DACH2: variants seen among roughly 807,000 people sequenced by gnomAD.
DACH2 encodes the protein dachshund family transcription factor 2.
Under a neutral mutation model 35.8 loss-of-function variants are expected in DACH2, and 17 were observed. The observed-to-expected ratio is 0.48, with a 90% confidence interval of 0.33 to 0.71. The LOEUF (loss-of-function observed/expected upper bound fraction) is 0.71, where lower values mean the gene tolerates loss of function less well. Among genes scored for constraint, DACH2 ranks in the 30% least tolerant of loss-of-function variants. The pLI is 0.02. For synonymous variants in DACH2, 195 were observed against 177.3 expected (o/e 1.10, Z -0.79); for missense variants, 469 against 472.7 (o/e 0.99, Z 0.07).
At chrX:86,324,036 G>T (rs763762101) in intron 1 of DACH2, among the ~76,000 whole-genome samples, 2 of 112,001 alleles carry the variant, frequency 1.8e-5, no homozygotes, top group African/African-American at 3.2e-5. Context: ...CCAAAATGAA[G>T]CAGCTTTATT....
At chrX:86,557,174 C>T (rs1308800260) in intron 3 of DACH2, among the ~76,000 whole-genome samples, 2 of 110,777 alleles carry the variant, frequency 1.8e-5, no homozygotes, top group African/African-American at 3.3e-5. Context: ...GGATATCTAC[C>T]CACATTGGTA....
intron 3 of DACH2, among the ~76,000 whole-genome samples, chrX:86,645,172 C>CAA (rs1259129839): frequency 9.0e-6 from 1 of 111,047 alleles, no homozygotes; most frequent in East Asian, 2.9e-4. Context: ...ATGCATCTGA[C>CAA]AAAATTCTAA....
intron 6 of DACH2, 70 bp from the exon 7 acceptor site, chrX:86,739,677 G>A (rs1030010784): frequency 1.6e-5 from 18 of 1,133,291 alleles, no homozygotes; most frequent in Non-Finnish European, 2.1e-5. Flanking sequence ...CATTTCAAAT[G>A]TAGAGACTCA....
At chrX:86,514,526 T>C (rs2038441340) in intron 3 of DACH2, 135 bp downstream of exon 3, 1 of 600,663 alleles carries the variant, frequency 1.7e-6, no homozygotes, top group Non-Finnish European at 2.4e-6. Context: ...TGAATTTTTT[T>C]ATGTGTTCGT....
intron 3 of DACH2, among the ~76,000 whole-genome samples, chrX:86,644,321 A>G (rs999547322): frequency 2.7e-5 from 3 of 111,516 alleles, no homozygotes; most frequent in African/African-American, 6.5e-5. Context: ...TCCCACTTAT[A>G]ATTGTCACAA....
intron 7 of DACH2, among the ~76,000 whole-genome samples, chrX:86,741,869 G>A (rs956411493): frequency 3.6e-5 from 4 of 111,050 alleles, no homozygotes; most frequent in Admixed American, 2.9e-4. Flanking sequence ...TGTTGCTGTC[G>A]CCATGAGTTA....
intron 1 of DACH2, among the ~76,000 whole-genome samples, chrX:86,235,366 A>G (rs2033036851): frequency 8.9e-6 from 1 of 112,416 alleles, no homozygotes; most frequent in African/African-American, 3.2e-5. Context: ...ACTGACCTCC[A>G]TGTACAGCTA....
chrX:86,638,275 C>T (rs754331314), intron 3 of DACH2, among the ~76,000 whole-genome samples: 14 of 111,630 alleles, frequency 1.3e-4, no homozygotes, highest in Non-Finnish European at 1.7e-4. Flanking sequence ...GATGGATTAA[C>T]GAGTTAAATG....
At position 86,725,222 on chromosome X, in the gene DACH2, T is replaced by G. The variant is rs777852359; in HGVS notation, c.1104+10502T>G. Reference sequence around the variant, plus strand: ...TTCATTTCTTTTCCTGAACAATTTTTTATGGTTTTATTGTGTCATATTTCC... The same window carrying G: ...TTCATTTCTTTTCCTGAACAATTTTGTATGGTTTTATTGTGTCATATTTCC... On this transcript the variant is annotated intron_variant, in intron 6 of 11. Transcript: ENST00000373125. Among the ~76,000 whole-genome samples, 5 of 111,482 alleles carry G rather than the reference T, an allele frequency of 4.5e-5. No homozygotes were observed. In the East Asian group the frequency reaches 1.4e-3, roughly 32 times the overall value.
At chrX:86,634,893 T>C (rs1214474188) in intron 3 of DACH2, among the ~76,000 whole-genome samples, 1 of 111,346 alleles carries the variant, frequency 9.0e-6, no homozygotes, top group African/African-American at 3.3e-5. Flanking sequence ...CTGCAATCTT[T>C]ATCAAAATAT....
intron 2 of DACH2, among the ~76,000 whole-genome samples, chrX:86,460,279 T>A (rs185297764): frequency 3.6e-4 from 40 of 111,286 alleles, no homozygotes; most frequent in African/African-American, 1.3e-3. Flanking sequence ...AATCCTCTTT[T>A]ATCTATATAA....
chrX:86,811,958 AAGAG>A (rs749445048), intron 7 of DACH2, among the ~76,000 whole-genome samples: 11 of 112,142 alleles, frequency 9.8e-5, no homozygotes, highest in Non-Finnish European at 1.5e-4. Context: ...ATAAAAATAA[AAGAG>A]AGAATAGATG....
chrX:86,151,020 C>T (rs1307763314), intron 1 of DACH2, among the ~76,000 whole-genome samples: 2 of 111,180 alleles, frequency 1.8e-5, no homozygotes, highest in Non-Finnish European at 3.8e-5. Flanking sequence ...TTAATTTGCA[C>T]ATTCTTGAGA....
At chrX:86,153,458 G>T (rs1199364322) in intron 1 of DACH2, among the ~76,000 whole-genome samples, 1 of 111,292 alleles carries the variant, frequency 9.0e-6, no homozygotes, top group Admixed American at 9.6e-5. Flanking sequence ...GTACTTTATA[G>T]TTCATGATCC....
chrX:86,510,030 GTTTC>G (rs917224664), intron 2 of DACH2, among the ~76,000 whole-genome samples: 2 of 111,831 alleles, frequency 1.8e-5, no homozygotes, highest in Non-Finnish European at 3.8e-5. Flanking sequence ...TGTTATAAGT[GTTTC>G]TTTAAGAAGT....
intron 1 of DACH2, among the ~76,000 whole-genome samples, chrX:86,286,244 C>T (rs2034147072): frequency 9.7e-6 from 1 of 102,812 alleles, no homozygotes; most frequent in Admixed American, 1.1e-4. Context: ...TCTCCTGCCT[C>T]AGCCTCCCGA....
At chrX:86,329,704 C>G (rs935330705) in intron 1 of DACH2, among the ~76,000 whole-genome samples, 3 of 111,743 alleles carry the variant, frequency 2.7e-5, no homozygotes, top group Non-Finnish European at 5.7e-5. Context: ...AAGAGGCAGT[C>G]TTCTGGGACA....
intron 1 of DACH2, among the ~76,000 whole-genome samples, chrX:86,300,700 T>G (rs1477904531): frequency 8.9e-6 from 1 of 112,070 alleles, no homozygotes; most frequent in Non-Finnish European, 1.9e-5. Context: ...AAAAAATGTT[T>G]AGCCCAATAA....
chrX:86,336,308 G>T lies in DACH2; in HGVS notation c.489-40516G>T, dbSNP rs898379959. Among the ~76,000 whole-genome samples, 7 of 112,113 alleles carry T rather than the reference G, an allele frequency of 6.2e-5. 1 individual carries two copies. The highest frequency in any genetic ancestry group is 9.7e-5 in the African/African-American group (3 of 30,823). Reference sequence around the variant, plus strand: ...CCCTCTTTTTCTATTGTTTGGAATAGTTTCAGAAAGAATGGTACCAGCTCC... The same window carrying T: ...CCCTCTTTTTCTATTGTTTGGAATATTTTCAGAAAGAATGGTACCAGCTCC... On this transcript the variant is annotated intron_variant, in intron 1 of 11. Transcript: ENST00000373125.
Sources: allele counts gnomAD v4.1 joint callset (sites outside exome capture counted in the v4.1 genomes callset), GRCh38; gene constraint gnomAD v4.1.1; transcripts MANE v1.5; gene names NCBI Gene and HGNC (gene_info 2026-07-23, HGNC 2026-07-21).